The following CAMTA1 variants were observed in gnomAD, a reference collection of about 807,000 sequenced individuals.
The protein encoded by CAMTA1 is calmodulin-binding transcription activator 1.
A neutral mutation model predicts 170.9 loss-of-function variants in CAMTA1; 27 were observed. The ratio of observed to expected loss-of-function variants is 0.16; its 90% CI spans 0.12 to 0.22. The LOEUF is 0.22. Ranked by LOEUF, CAMTA1 falls within the 10% of genes least tolerant of loss-of-function variation. The pLI is 1.00. For synonymous variants in CAMTA1, 833 were observed against 891.5 expected (o/e 0.93, Z 1.17); for missense variants, 1,619 against 2,217.2 (o/e 0.73, Z 5.42).
In CAMTA1 at chr1:7,144,236, A is replaced by G. The variant is rs1363885777; in HGVS notation, c.302+52865A>G. ...CTATGTCCTCAGATGGCCTTTTCTA[A>G]GTGTGTGTGTGTGTGTATGTGTGTG... On this transcript the variant is annotated intron_variant, in intron 4 of 22. Coordinates refer to ENST00000303635, the MANE Select transcript of CAMTA1 (RefSeq NM_015215.4). This position sits in a 1 kb window ranked among gnomAD's most constrained non-coding sequence, Gnocchi z 4.0. Among the ~76,000 whole-genome samples, 1 of 150,392 alleles carries G rather than the reference A, an allele frequency of 6.6e-6. No individual in the cohort carries two copies. Among genetic ancestry groups the G allele is most frequent in the Non-Finnish European group, 1.5e-5 (1 of 67,522 alleles).
chr1:7,279,093 G>A (rs974809134), intron 5 of CAMTA1, among the ~76,000 whole-genome samples: 2 of 152,166 alleles, frequency 1.3e-5, no homozygotes, highest in African/African-American at 2.4e-5. Context: ...GGCAGTTCAG[G>A]TACTTAGAGC....
intron 4 of CAMTA1, among the ~76,000 whole-genome samples, chr1:7,119,250 G>C (rs568518805): frequency 6.6e-6 from 1 of 152,280 alleles, no homozygotes; most frequent in African/African-American, 2.4e-5. Context: ...AGCCACTGCG[G>C]CACTGCTGAA....
At chr1:6,997,656 C>CTTTTT (rs201500847) in intron 3 of CAMTA1, among the ~76,000 whole-genome samples, 11,495 of 125,146 alleles carry the variant, frequency 0.092, 789 homozygotes, top group African/African-American at 0.14. Context: ...CCTTTCTTTT[C>CTTTTT]TTTCTTTTTT....
chr1:6,812,726 T>C (rs1645327843), intron 1 of CAMTA1, among the ~76,000 whole-genome samples: 1 of 152,242 alleles, frequency 6.6e-6, no homozygotes, highest in South Asian at 2.1e-4. Context: ...TAAAAAAAAC[T>C]GTAAAATCAC....
In CAMTA1 at chr1:7,530,812, G is replaced by GTTTT. The variant is rs34013817; in HGVS notation, c.510+62928_510+62931dup. ...AGTATGTCCAGCACTGTGAGCTCTT[G>GTTTT]TTTTTTTTTTTTTTTTTTTTGAGAC... is the stretch of plus-strand genomic sequence containing the variant. On this transcript the variant is annotated intron_variant, in intron 6 of 22. Transcript: ENST00000303635. Among the ~76,000 whole-genome samples, 243 of 100,768 alleles carry GTTTT rather than the reference G, an allele frequency of 2.4e-3. 6 individuals are homozygous for GTTTT. Among genetic ancestry groups the GTTTT allele is most frequent in the East Asian group, 9.9e-3 (32 of 3,240 alleles). 66.1% of individuals were successfully genotyped at this position (100,768 alleles called of 152,430 possible). A position where few individuals can be genotyped will look rare whatever the true frequency, so the allele number is the denominator to read the frequency against.
At chr1:7,729,326 GC>G (rs1379065012) in intron 11 of CAMTA1, among the ~76,000 whole-genome samples, 2 of 152,044 alleles carry the variant, frequency 1.3e-5, no homozygotes, top group Non-Finnish European at 1.5e-5. Context: ...CACCATGTTG[GC>G]CAGGCTGGTC....
At chr1:7,089,120 A>G (rs1179384911) in intron 3 of CAMTA1, among the ~76,000 whole-genome samples, 2 of 152,126 alleles carry the variant, frequency 1.3e-5, no homozygotes, top group African/African-American at 4.8e-5. Flanking sequence ...CACCACGTAG[A>G]TCTTATAACG....
chr1:6,801,868 G>A (rs1033624828), intron 1 of CAMTA1, among the ~76,000 whole-genome samples: 4 of 150,704 alleles, frequency 2.7e-5, no homozygotes, highest in Non-Finnish European at 5.9e-5. Context: ...TATACAGAAA[G>A]TGATTTTTAG....
chr1:7,270,267 A>G (rs1669550116), intron 5 of CAMTA1, among the ~76,000 whole-genome samples: 2 of 63,374 alleles, frequency 3.2e-5, no homozygotes, highest in Non-Finnish European at 4.0e-5. Flanking sequence ...ACACACACAC[A>G]CACACACATA....
intron 1 of CAMTA1, among the ~76,000 whole-genome samples, chr1:6,799,591 T>A (rs1295175845): frequency 2.0e-5 from 3 of 152,230 alleles, no homozygotes; most frequent in African/African-American, 7.2e-5. Flanking sequence ...TCAGCTCTTA[T>A]GTAATGAGAT....
At position 7,680,400 on chromosome 1, in the gene CAMTA1, T is replaced by C. The variant is rs990980177; in HGVS notation, c.2914+2667T>C. Among the ~76,000 whole-genome samples, 2 of 152,038 alleles carry C rather than the reference T, an allele frequency of 1.3e-5. No homozygotes were observed. The highest frequency in any genetic ancestry group is 2.9e-5 in the Non-Finnish European group (2 of 67,986). On this transcript the variant is annotated intron_variant, in intron 11 of 22. Coordinates refer to ENST00000303635, the MANE Select transcript of CAMTA1 (RefSeq NM_015215.4). The surrounding 1 kb of genome is among the most constrained non-coding windows in gnomAD (Gnocchi z 4.4). ...GGGGAAGGGGTGGGCGCCAGGGGACTGCAGCGCGGAGCAAACTGGGGCACG... is the reference window on the plus strand; with the variant it reads ...GGGGAAGGGGTGGGCGCCAGGGGACCGCAGCGCGGAGCAAACTGGGGCACG...
At chr1:7,590,915 T>C (rs1429092420) in intron 6 of CAMTA1, among the ~76,000 whole-genome samples, 1 of 152,232 alleles carries the variant, frequency 6.6e-6, no homozygotes, top group Non-Finnish European at 1.5e-5. Flanking sequence ...ATTTTTACTT[T>C]CACATTTGCT....
intron 4 of CAMTA1, among the ~76,000 whole-genome samples, chr1:7,103,549 C>CACAACACACA (rs1558101491): frequency 7.0e-5 from 4 of 57,262 alleles, no homozygotes; most frequent in South Asian, 4.1e-4. Context: ...CACATGTACA[C>CACAACACACA]ACTACACACA....
chr1:7,496,024 C>T (rs1212481532), intron 6 of CAMTA1, among the ~76,000 whole-genome samples: 4 of 152,184 alleles, frequency 2.6e-5, no homozygotes, highest in Admixed American at 2.0e-4. Context: ...TTTCCTCTCT[C>T]TATCCTGGCC....
intron 3 of CAMTA1, among the ~76,000 whole-genome samples, chr1:6,988,491 A>T (rs1039033360): frequency 6.6e-6 from 1 of 152,184 alleles, no homozygotes; most frequent in African/African-American, 2.4e-5. Flanking sequence ...GGATACACAG[A>T]TGGAAATTCA....
At chr1:7,332,356 A>G (rs1217433379) in intron 5 of CAMTA1, among the ~76,000 whole-genome samples, 1 of 152,226 alleles carries the variant, frequency 6.6e-6, no homozygotes, top group Non-Finnish European at 1.5e-5. Flanking sequence ...GCCACATTTA[A>G]TACTTATACC....
chr1:6,840,388 T>G (rs1370988285), intron 3 of CAMTA1, among the ~76,000 whole-genome samples: 11 of 152,048 alleles, frequency 7.2e-5, no homozygotes, highest in Admixed American at 7.2e-4. Context: ...TGGTAAGAAA[T>G]GACGGTGGGG....
chr1:7,512,480 AT>A (rs1188891519), intron 6 of CAMTA1, among the ~76,000 whole-genome samples: 2 of 152,192 alleles, frequency 1.3e-5, no homozygotes, highest in Non-Finnish European at 2.9e-5. Context: ...ACAGGACCGC[AT>A]AGTTATTTGA....
At chr1:6,900,274 A>G (rs1391227473) in intron 3 of CAMTA1, among the ~76,000 whole-genome samples, 1 of 151,486 alleles carries the variant, frequency 6.6e-6, no homozygotes, top group Non-Finnish European at 1.5e-5. Context: ...AACTGTGTGT[A>G]AGTTATCATA....
Sources: gnomAD v4.1 joint callset for allele counts (sites outside exome capture counted in the v4.1 genomes callset) on GRCh38, gnomAD v4.1.1 for gene constraint, Gnocchi (gnomAD v3.1) non-coding constraint, MANE v1.5 for transcripts, NCBI Gene and HGNC (gene_info 2026-07-23, HGNC 2026-07-21) for gene names.